DIP2C: variants seen among roughly 807,000 people sequenced by gnomAD.
DIP2C encodes disco-interacting protein 2 homolog C.
DIP2C carries 33 observed loss-of-function variants against 192.4 expected under a neutral mutation model. The ratio of observed to expected loss-of-function variants is 0.17; its 90% CI spans 0.13 to 0.23. The LOEUF (loss-of-function observed/expected upper bound fraction) is 0.23. DIP2C is among the 10% of genes least tolerant of loss of function. DIP2C has a pLI of 1.00. For synonymous variants in DIP2C, 979 were observed against 864.1 expected, an observed-to-expected ratio of 1.13 and a Z score of -2.33; for missense variants, 1,537 against 2,110.1, an observed-to-expected ratio of 0.73 and a Z score of 5.32.
chr10:376,215 G>C (rs7078216), intron 17 of DIP2C, among the ~76,000 whole-genome samples: 88,710 of 151,520 alleles, frequency 0.59, 26,075 homozygotes, highest in East Asian at 0.77. Context: ...AAGCAGGCGC[G>C]AGAGCAGCGA....
chr10:523,021 C>T (rs942693089), intron 1 of DIP2C, among the ~76,000 whole-genome samples: 5 of 152,132 alleles, frequency 3.3e-5, no homozygotes, highest in African/African-American at 1.2e-4. Context: ...CACATACACT[C>T]ATTTCTACCT....
At chr10:610,218 A>T (rs950045071) in intron 1 of DIP2C, among the ~76,000 whole-genome samples, 9 of 152,198 alleles carry the variant, frequency 5.9e-5, no homozygotes, top group African/African-American at 2.2e-4. Context: ...CCAAGCACAG[A>T]AAGAAATGGT....
At chr10:386,162 C>T (rs560183183) in intron 14 of DIP2C, among the ~76,000 whole-genome samples, 4 of 152,298 alleles carry the variant, frequency 2.6e-5, no homozygotes, top group Admixed American at 6.5e-5. Flanking sequence ...GAGTGACTAA[C>T]GGCACCAGTG....
intron 1 of DIP2C, among the ~76,000 whole-genome samples, chr10:617,820 C>T (rs567467423): frequency 4.5e-4 from 68 of 151,774 alleles, no homozygotes; most frequent in Non-Finnish European, 8.7e-4. Flanking sequence ...GGTGGGTAAC[C>T]GCCCCCCCAG....
chr10:557,669 T>TGTGGGG (rs764435897), intron 1 of DIP2C, among the ~76,000 whole-genome samples: 139 of 36,546 alleles, frequency 3.8e-3, no homozygotes, highest in Admixed American at 7.0e-3. Context: ...CACATACACA[T>TGTGGGG]GTGGGGGTGG....
rs868472831 is a variant in DIP2C at position 651,067 on chromosome 10, C to T, written c.85+38427G>A. On this transcript the variant is annotated intron_variant, in intron 1 of 36. Coordinates refer to ENST00000280886, the MANE Select transcript of DIP2C (RefSeq NM_014974.3). The surrounding 1 kb of genome is among the most constrained non-coding windows in gnomAD (Gnocchi z 4.1). ...TCCATCCTAGCCCCTGCCACCCCTC[C>T]TGCTCTTGTCTCTCCCACACCTCCC... 8.4e-5 allele frequency: 60 copies of T among 717,398 alleles called. No homozygotes were observed. The African/African-American group carries it at 9.3e-4, about 11-fold the overall frequency. The allele number at this position is 717,398 out of a possible 1,614,324, so 44.4% of individuals were successfully genotyped here.
At chr10:327,198 C>G (rs753082606) in intron 30 of DIP2C, 22 bp from the exon 31 acceptor site, 1 of 1,607,770 alleles carries the variant, frequency 6.2e-7, no homozygotes, top group South Asian at 1.1e-5. Context: ...GACAGAGAAA[C>G]CGAGTCAGCC....
In DIP2C at chr10:357,843, G is replaced by A. The variant is rs752522674; in HGVS notation, c.2889C>T (p.Asn963=). 2.9e-5 allele frequency: 47 copies of A among 1,612,190 alleles called. No homozygotes were observed. The highest frequency in any genetic ancestry group is 1.7e-4 in the Admixed American group (10 of 59,962). Residue 963 remains asparagine, a synonymous_variant, in exon 23 of 37, where the codon AAC becomes AAT. Transcript: ENST00000280886. ...CAGCTCCTACCTTGCGTGCCTGGTC[G>A]TTATCTTCGATCTGACCCAGGTCTC... ...SGRDLGQIED[N]DQARKFLFLS...
chr10:366,161 A>G (rs760981069), intron 19 of DIP2C, 114 bp downstream of exon 19: 10 of 1,443,470 alleles, frequency 6.9e-6, no homozygotes, highest in Non-Finnish European at 8.4e-6. Flanking sequence ...ATTCATATAA[A>G]CACGTCTTGC....
At chr10:421,029 CTTTTG>C (rs762787191) in intron 5 of DIP2C, among the ~76,000 whole-genome samples, 1 of 152,194 alleles carries the variant, frequency 6.6e-6, no homozygotes, top group African/African-American at 2.4e-5. Context: ...CTTTTTACTT[CTTTTG>C]TTTTGCCACA....
chr10:451,594 A>G lies in DIP2C; in HGVS notation c.269-10598T>C, dbSNP rs562677430. On this transcript the variant is annotated intron_variant, in intron 3 of 36. Transcript: ENST00000280886. ...AAGTGCTTGTGTTAGAAGCAATTTT[A>G]CTTAAAAAGAATTGAAAGAACTACA... is the stretch of plus-strand genomic sequence containing the variant. 1.4e-4 allele frequency among the ~76,000 whole-genome samples: 22 copies of G among 152,364 alleles called. 1 individual carries two copies. In the East Asian group the frequency reaches 4.0e-3, roughly 28 times the overall value.
chr10:603,099 ATATG>A (rs1852199735), intron 1 of DIP2C, among the ~76,000 whole-genome samples: 1 of 152,084 alleles, frequency 6.6e-6, no homozygotes, highest in African/African-American at 2.4e-5. Flanking sequence ...CTGGATTATC[ATATG>A]TAAGTTCTGG....
chr10:637,360 T>C (rs1157350790), intron 1 of DIP2C, among the ~76,000 whole-genome samples: 1 of 152,060 alleles, frequency 6.6e-6, no homozygotes, highest in East Asian at 1.9e-4. Context: ...CCTAGGCTGC[T>C]GTAACAACAC....
At chr10:518,316 C>T (rs1180620701) in intron 1 of DIP2C, among the ~76,000 whole-genome samples, 1 of 152,252 alleles carries the variant, frequency 6.6e-6, no homozygotes, top group Non-Finnish European at 1.5e-5. Flanking sequence ...GTACAACTGC[C>T]AGGAAAGCAG....
intron 1 of DIP2C, among the ~76,000 whole-genome samples, chr10:678,085 G>C (rs1830935098): frequency 6.6e-6 from 1 of 152,340 alleles, no homozygotes; most frequent in East Asian, 1.9e-4. Context: ...GACCTCAGAG[G>C]TCGTGGCAGG....
chr10:454,617 CACCCTTCGA>C lies in DIP2C; in HGVS notation c.269-13630_269-13622del, dbSNP rs1172392792. 2.1e-3 allele frequency among the ~76,000 whole-genome samples: 255 copies of C among 121,372 alleles called. 13 individuals carry two copies. The highest frequency in any genetic ancestry group is 0.012 in the African/African-American group (199 of 17,204). 79.6% of individuals were successfully genotyped at this position (121,372 alleles called of 152,430 possible). On this transcript the variant is annotated intron_variant, in intron 3 of 36. Transcript: ENST00000280886. ...AGATATTCGGGGATAAAAACATCAG[CACCCTTCGA>C]ACCCCTCAGAGAAAGAGGTAGTATA...
At chr10:445,573 CTGTTGTGAAGAGTCT>C (rs1968110834) in intron 3 of DIP2C, among the ~76,000 whole-genome samples, 2 of 150,916 alleles carry the variant, frequency 1.3e-5, no homozygotes, top group African/African-American at 4.9e-5. Context: ...CTGTATACAT[CTGTTGTGAAGAGTCT>C]CATGGTCTAC....
chr10:360,639 G>T (rs1036285714), intron 22 of DIP2C, among the ~76,000 whole-genome samples: 1 of 151,936 alleles, frequency 6.6e-6, no homozygotes, highest in Non-Finnish European at 1.5e-5. Flanking sequence ...TGCTATTCGG[G>T]GGCAATATTC....
chr10:573,796 A>C (rs1713764006), intron 1 of DIP2C, among the ~76,000 whole-genome samples: 1 of 152,196 alleles, frequency 6.6e-6, no homozygotes, highest in Non-Finnish European at 1.5e-5. Context: ...TGTGTAAGAG[A>C]AAGAAACCAT....
Sources: gnomAD v4.1 joint callset for allele counts (sites outside exome capture counted in the v4.1 genomes callset) on GRCh38, gnomAD v4.1.1 for gene constraint, Gnocchi (gnomAD v3.1) non-coding constraint, MANE v1.5 for transcripts, NCBI Gene and HGNC (gene_info 2026-07-23, HGNC 2026-07-21) for gene names.